NDUFAF5: variants seen among roughly 807,000 people sequenced by gnomAD.
NDUFAF5 encodes NADH:ubiquinone oxidoreductase complex assembly factor 5.
In NDUFAF5, 34 loss-of-function variants were observed where a neutral mutation model predicts 48.9. The observed-to-expected ratio is 0.70, with a 90% CI of 0.53 to 0.93. The LOEUF is 0.93. Among genes scored for constraint, NDUFAF5 ranks in the 40% least tolerant of loss-of-function variants. The pLI is 0.00. For missense variants in NDUFAF5, 428 were observed against 427.5 expected (o/e 1.00, Z -0.01); for synonymous variants, 153 against 150.6 (o/e 1.02, Z -0.12).
intron 3 of NDUFAF5, among the ~76,000 whole-genome samples, chr20:13,790,464 A>G (rs1400277820): frequency 2.0e-5 from 3 of 152,086 alleles, no homozygotes; most frequent in Non-Finnish European, 4.4e-5. Flanking sequence ...CTTCCCCATC[A>G]CCGTGCTGTT....
intron 8 of NDUFAF5, among the ~76,000 whole-genome samples, chr20:13,811,831 C>A (rs575211096): frequency 4.6e-5 from 7 of 152,234 alleles, no homozygotes; most frequent in Admixed American, 4.6e-4. Context: ...CATCAAAAAT[C>A]ATTTCGATGA....
At chr20:13,809,839 T>C (rs1370065414) in intron 8 of NDUFAF5, among the ~76,000 whole-genome samples, 2 of 152,222 alleles carry the variant, frequency 1.3e-5, no homozygotes, top group Non-Finnish European at 2.9e-5. Context: ...AGATAAATTT[T>C]GCAGTTCCTG....
chr20:13,809,897 T>G (rs918091712), intron 8 of NDUFAF5, among the ~76,000 whole-genome samples: 2 of 152,220 alleles, frequency 1.3e-5, no homozygotes, highest in Non-Finnish European at 2.9e-5. Context: ...ATTTGAAGCT[T>G]AATTGCTGAG....
chr20:13,805,022 T>C (rs1049451605), intron 7 of NDUFAF5, among the ~76,000 whole-genome samples: 18 of 152,168 alleles, frequency 1.2e-4, no homozygotes, highest in African/African-American at 4.3e-4. Context: ...TTACTTATAA[T>C]ATGGAAAAAA....
At chr20:13,786,205 T>C (rs1430303704) in intron 1 of NDUFAF5, among the ~76,000 whole-genome samples, 2 of 152,350 alleles carry the variant, frequency 1.3e-5, no homozygotes, top group East Asian at 1.9e-4. Flanking sequence ...CAAACAGTTA[T>C]TGAACTCATA....
In NDUFAF5 at chr20:13,820,482, C is replaced by T. The variant is rs965238406; in HGVS notation, c.*3272C>T. ...GCTGAGACGGGAGGATTGCTTGAGC[C>T]CAGGAGTTTGAGACCAGCTTGGGCA... On this transcript the variant is annotated 3_prime_UTR_variant, in exon 11 of 11. Coordinates refer to ENST00000378106, the MANE Select transcript of NDUFAF5 (RefSeq NM_024120.5). The T allele has an allele frequency of 6.6e-6, 1 of 151,952 alleles. No homozygotes were observed. Among genetic ancestry groups the T allele is most frequent in the African/African-American group, 2.4e-5 (1 of 41,328 alleles). The allele number at this position is 151,952 out of a possible 1,614,324, so 9.4% of individuals were successfully genotyped here.
chr20:13,785,133 A>G lies in NDUFAF5; in HGVS notation c.65A>G (p.Glu22Gly). ...RRPWAARVPA[E>G]NLGRREVTSG... ...CCTTGGGCGGCGAGGGTCCCAGCGG[A>G]GAATCTTGGCCGTAGGGAAGTCACC... The change falls in exon 1 of 11, where the codon GAG becomes GGG. Residue 22 changes from glutamate to glycine, a missense_variant. Glu to Gly is a moderately conservative substitution (Grantham distance 98). Transcript: ENST00000378106. 1.2e-6 allele frequency: 2 copies of G among 1,613,936 alleles called. No homozygotes were observed. Among genetic ancestry groups the G allele is most frequent in the Non-Finnish European group, 1.7e-6 (2 of 1,179,966 alleles).
chr20:13,804,520 A>C (rs143845901), intron 7 of NDUFAF5, among the ~76,000 whole-genome samples: 1,923 of 152,196 alleles, frequency 0.013, 11 homozygotes, highest in Non-Finnish European at 0.018. Flanking sequence ...TATTTCCAAT[A>C]TACTGTTAAT....
chr20:13,813,319 TAACTG>T (rs1986096662), intron 8 of NDUFAF5, among the ~76,000 whole-genome samples: 1 of 152,246 alleles, frequency 6.6e-6, no homozygotes, highest in African/African-American at 2.4e-5. Flanking sequence ...TGCTTTTTCT[TAACTG>T]TAATGTCTGT....
chr20:13,814,550 A>G (rs1193269660), intron 8 of NDUFAF5: 2 of 1,058,902 alleles, frequency 1.9e-6, no homozygotes, highest in Non-Finnish European at 2.6e-6. Context: ...AATACTCAGT[A>G]TTGTTTTTAG....
rs1483746633 is a variant in NDUFAF5 at position 13,817,465 on chromosome 20, G to A, written c.*255G>A. The A allele has an allele frequency of 1.7e-6, 1 of 592,598 alleles. No homozygotes were observed. Among genetic ancestry groups the A allele is most frequent in the Admixed American group, 2.1e-5 (1 of 46,832 alleles). The allele number at this position is 592,598 out of a possible 1,614,324, so 36.7% of individuals were successfully genotyped here. On this transcript the variant is annotated 3_prime_UTR_variant, in exon 11 of 11. Coordinates refer to ENST00000378106, the MANE Select transcript of NDUFAF5 (RefSeq NM_024120.5). ...AAGAAAATATTTCCCTAAAATATTT[G>A]CAAATAATGTTCACATATGTAAATG...
At position 13,818,605 on chromosome 20, in the gene NDUFAF5, G is replaced by A. The variant is rs557269839; in HGVS notation, c.*1395G>A. ...GGCTGCAGTGAGCTGTCTGTGCCAC[G>A]GCACTCCAACCTGGGCAAAAGAGGA... On this transcript the variant is annotated 3_prime_UTR_variant, in exon 11 of 11. Coordinates refer to ENST00000378106, the MANE Select transcript of NDUFAF5 (RefSeq NM_024120.5). 2.6e-4 allele frequency: 54 copies of A among 210,520 alleles called. No homozygotes were observed. Among genetic ancestry groups the A allele is most frequent in the Non-Finnish European group, 4.3e-4 (44 of 103,466 alleles). The allele number at this position is 210,520 out of a possible 1,614,324, so 13.0% of individuals were successfully genotyped here. A position where few individuals can be genotyped will look rare whatever the true frequency, so the allele number is the denominator to read the frequency against.
intron 1 of NDUFAF5, 181 bp from the exon 2 acceptor site, chr20:13,787,131 C>T: frequency 1.5e-6 from 1 of 664,420 alleles, no homozygotes; most frequent in Non-Finnish European, 2.8e-6. Context: ...ATGAAATTGA[C>T]TTCTGAAATA....
chr20:13,816,384 A>G lies in NDUFAF5; in HGVS notation c.779-79A>G. 4 of 929,222 alleles carry G rather than the reference A, an allele frequency of 4.3e-6. No individual in the cohort carries two copies. The South Asian group carries it at 5.2e-5, about 12-fold the overall frequency. The allele number at this position is 929,222 out of a possible 1,614,324, so 57.6% of individuals were successfully genotyped here. On this transcript the variant is annotated intron_variant, in intron 8 of 10. Coordinates refer to ENST00000378106, the MANE Select transcript of NDUFAF5 (RefSeq NM_024120.5). ...ATGAGGACAGGTATACTGTTAGATGAGACGGGATTAAGTCTGTGGTATTGA... is the reference window on the plus strand; with the variant it reads ...ATGAGGACAGGTATACTGTTAGATGGGACGGGATTAAGTCTGTGGTATTGA...
At chr20:13,806,928 C>CT (rs2147584101) in intron 7 of NDUFAF5, among the ~76,000 whole-genome samples, 1 of 152,200 alleles carries the variant, frequency 6.6e-6, no homozygotes, top group East Asian at 1.9e-4. Context: ...GTTGCCCAGG[C>CT]TAGAGTGCAG....
intron 3 of NDUFAF5, among the ~76,000 whole-genome samples, chr20:13,789,233 C>T (rs1423413121): frequency 3.3e-5 from 5 of 151,966 alleles, no homozygotes; most frequent in East Asian, 1.9e-4. Flanking sequence ...GGCACGATCT[C>T]GGCTCACTGC....
rs911018076 is a variant in NDUFAF5, at chr20:13,820,591, G to A, written c.*3381G>A. 1 of 152,122 alleles carries A rather than the reference G, an allele frequency of 6.6e-6. No individual in the cohort carries two copies. Among genetic ancestry groups the A allele is most frequent in the Non-Finnish European group, 1.5e-5 (1 of 68,096 alleles). The allele number at this position is 152,122 out of a possible 1,614,324, so 9.4% of individuals were successfully genotyped here. ...AGCCTGTGGTCCCAGCTACTCAGAAGGCTGAGGTGGGAGTATTGATCGAGC... is the reference window on the plus strand; with the variant it reads ...AGCCTGTGGTCCCAGCTACTCAGAAAGCTGAGGTGGGAGTATTGATCGAGC... On this transcript the variant is annotated 3_prime_UTR_variant, in exon 11 of 11. Coordinates refer to ENST00000378106, the MANE Select transcript of NDUFAF5 (RefSeq NM_024120.5).
rs768030902 is a variant in NDUFAF5 at position 13,801,541 on chromosome 20, A to G, written c.575A>G (p.Asp192Gly). Residue 192 changes from aspartate (D) to glycine (G), a missense_variant, in exon 7 of 11, where the codon GAC becomes GGC. Asp to Gly is a moderately conservative substitution (Grantham distance 94). Coordinates refer to ENST00000378106, the MANE Select transcript of NDUFAF5 (RefSeq NM_024120.5). ...GVFIGAMFGG[D>G]TLYELRCSLQ... Reference sequence around the variant, plus strand: ...TTTATCGGTGCAATGTTTGGAGGCGACACACTCTATGAACTTCGGTGTTCC... The same window carrying G: ...TTTATCGGTGCAATGTTTGGAGGCGGCACACTCTATGAACTTCGGTGTTCC... The G allele has an allele frequency of 2.5e-6, 4 of 1,614,076 alleles. No individual in the cohort carries two copies. The South Asian group carries it at 4.4e-5, about 18-fold the overall frequency.
Position 13,794,925 on chromosome 20 carries a change from G to C in NDUFAF5, c.463G>C (p.Val155Leu). ...LPFKENTFDL[V>L]VSSLSLHWVN... is the part of the protein sequence containing the mutation. ...CTTCAAAGAAAATACATTTGACCTG[G>C]TGGTTAGCAGTTTAAGGTTGGTAAT... The change falls in exon 5 of 11, where the codon GTG becomes CTG. Residue 155 changes from valine to leucine, a missense_variant. Val to Leu is a conservative substitution (Grantham distance 32). Transcript: ENST00000378106. The C allele has an allele frequency of 1.2e-6, 2 of 1,607,906 alleles. No individual in the cohort carries two copies. The highest frequency in any genetic ancestry group is 8.5e-7 in the Non-Finnish European group (1 of 1,174,376).
Sources: gnomAD v4.1 joint callset for allele counts (sites outside exome capture counted in the v4.1 genomes callset) on GRCh38, gnomAD v4.1.1 for gene constraint, MANE v1.5 for transcripts, NCBI Gene and HGNC (gene_info 2026-07-23, HGNC 2026-07-21) for gene names.